Variants in ESR1 observed in about 807,000 individuals in gnomAD.
ESR1 encodes estrogen receptor 1.
A neutral mutation model predicts 52.7 loss-of-function variants in ESR1; 12 were observed. The observed-to-expected ratio is 0.23, with a 90% CI of 0.15 to 0.37. ESR1 has a LOEUF of 0.37. Ranked by LOEUF, ESR1 falls within the 10% of genes least tolerant of loss-of-function variation. The pLI is 1.00. For missense variants in ESR1, 584 were observed against 779.7 expected (o/e 0.75, Z 2.99); for synonymous variants, 305 against 316.8 (o/e 0.96, Z 0.39).
intron 5 of ESR1, among the ~76,000 whole-genome samples, chr6:152,019,081 T>C (rs2043402347): frequency 2.6e-5 from 4 of 152,178 alleles, no homozygotes; most frequent in Admixed American, 2.6e-4. Flanking sequence ...TCTGGGAATA[T>C]GAAACTGTAA....
At chr6:151,831,427 A>G (rs74526972) in intron 1 of ESR1, among the ~76,000 whole-genome samples, 3,259 of 152,292 alleles carry the variant, frequency 0.021, 123 homozygotes, top group African/African-American at 0.075. Context: ...GGTGTGAGCT[A>G]CCATGCCCAG....
chr6:151,690,165 T>A (rs558061617), upstream of ESR1, among the ~76,000 whole-genome samples: 48 of 152,368 alleles, frequency 3.2e-4, no homozygotes, highest in Non-Finnish European at 6.0e-4. Flanking sequence ...GCTTTTAGTT[T>A]AGCTGTAGCT....
intron 4 of ESR1, among the ~76,000 whole-genome samples, chr6:151,954,300 A>G (rs1427400145): frequency 2.0e-5 from 3 of 152,190 alleles, no homozygotes; most frequent in South Asian, 2.1e-4. Context: ...CTGTTTTACA[A>G]TTCTTGAGAC....
intron 1 of ESR1, among the ~76,000 whole-genome samples, chr6:151,677,008 T>G (rs1293941): frequency 0.21 from 31,695 of 151,948 alleles, 4,108 homozygotes; most frequent in Non-Finnish European, 0.28. Flanking sequence ...GAAGAAAAAT[T>G]TGTTCTTTAT....
intron 5 of ESR1, among the ~76,000 whole-genome samples, chr6:152,048,361 C>CA (rs1180207041): frequency 0.022 from 1,344 of 61,798 alleles, 30 homozygotes; most frequent in African/African-American, 0.053. Flanking sequence ...GACACCATCT[C>CA]AAAAAAAAAA....
At chr6:151,853,251 A>G (rs889001175) in intron 2 of ESR1, among the ~76,000 whole-genome samples, 1 of 151,706 alleles carries the variant, frequency 6.6e-6, no homozygotes, top group Non-Finnish European at 1.5e-5. Flanking sequence ...GGCGGGCATT[A>G]ACTTCAGGTA....
chr6:151,782,106 A>G (rs1168814872), intron 2 of ESR1, among the ~76,000 whole-genome samples: 3 of 152,218 alleles, frequency 2.0e-5, no homozygotes, highest in Non-Finnish European at 2.9e-5. Context: ...TCAAATCCTT[A>G]GTTTTAAAAC....
chr6:151,988,526 T>A (rs984477727), intron 4 of ESR1, among the ~76,000 whole-genome samples: 1 of 152,070 alleles, frequency 6.6e-6, no homozygotes, highest in Non-Finnish European at 1.5e-5. Flanking sequence ...AAAGAATATG[T>A]TTGTGGATTC....
intron 4 of ESR1, among the ~76,000 whole-genome samples, chr6:152,005,515 C>T (rs80108742): frequency 0.021 from 3,209 of 152,048 alleles, 96 homozygotes; most frequent in East Asian, 0.12. Context: ...AAACATTTCT[C>T]TTGGTGTTTT....
At chr6:151,901,519 T>C (rs1392588226) in intron 3 of ESR1, among the ~76,000 whole-genome samples, 1 of 152,194 alleles carries the variant, frequency 6.6e-6, no homozygotes, top group Non-Finnish European at 1.5e-5. Flanking sequence ...CGCTGTGGTC[T>C]TTTCCCAGTT....
intron 3 of ESR1, among the ~76,000 whole-genome samples, chr6:151,925,679 AG>A (rs2032606286): frequency 6.6e-6 from 1 of 151,964 alleles, no homozygotes; most frequent in African/African-American, 2.4e-5. Context: ...GAGTTTGAGG[AG>A]TTTTTTTGTA....
intron 2 of ESR1, among the ~76,000 whole-genome samples, chr6:151,703,588 G>C (rs1001107321): frequency 6.6e-6 from 1 of 152,172 alleles, no homozygotes; most frequent in Non-Finnish European, 1.5e-5. Context: ...CTCTTTGCCA[G>C]CTTGATGCAG....
chr6:151,748,532 C>T (rs1465496448), intron 2 of ESR1, among the ~76,000 whole-genome samples: 2 of 152,106 alleles, frequency 1.3e-5, no homozygotes, highest in African/African-American at 4.8e-5. Flanking sequence ...ATAAGTAATG[C>T]CATGCGCATC....
At chr6:152,117,411 G>A (rs775624153) in intron 6 of ESR1, among the ~76,000 whole-genome samples, 2 of 152,128 alleles carry the variant, frequency 1.3e-5, no homozygotes, top group East Asian at 1.9e-4. Flanking sequence ...ATTTCTTCTC[G>A]ATTGCCTGTA....
upstream of ESR1, among the ~76,000 whole-genome samples, chr6:151,806,530 G>GTGTATATA (rs1554259015): frequency 4.1e-5 from 4 of 96,468 alleles, no homozygotes; most frequent in East Asian, 2.6e-4. Context: ...TCCTTAATAT[G>GTGTATATA]TATATATATA....
chr6:151,758,210 G>A (rs1318368035), intron 2 of ESR1, among the ~76,000 whole-genome samples: 2 of 152,154 alleles, frequency 1.3e-5, no homozygotes, highest in Admixed American at 1.3e-4. Context: ...GTAGCAAAAT[G>A]GATGCTAAGA....
intron 3 of ESR1, among the ~76,000 whole-genome samples, chr6:151,884,629 A>G (rs554099577): frequency 2.0e-5 from 3 of 152,364 alleles, no homozygotes; most frequent in African/African-American, 7.2e-5. Flanking sequence ...TAACAATTTT[A>G]ATCTGTTATA....
intron 4 of ESR1, among the ~76,000 whole-genome samples, chr6:151,965,102 A>G (rs2038129739): frequency 6.6e-6 from 1 of 152,022 alleles, no homozygotes; most frequent in African/African-American, 2.4e-5. Flanking sequence ...CTGCTTCCAG[A>G]TTTTTTCTAG....
intron 5 of ESR1, among the ~76,000 whole-genome samples, chr6:152,056,025 A>C (rs1462644365): frequency 1.3e-5 from 2 of 152,214 alleles, no homozygotes; most frequent in Non-Finnish European, 2.9e-5. Context: ...AATTTGTTCA[A>C]GATCACAAAG....
Sources: allele counts gnomAD v4.1 joint callset (sites outside exome capture counted in the v4.1 genomes callset), GRCh38; gene constraint gnomAD v4.1.1; transcripts MANE v1.5; gene names NCBI Gene and HGNC (gene_info 2026-07-23, HGNC 2026-07-21).